Variants in GPR153 observed in about 807,000 individuals in gnomAD.
GPR153 encodes the protein probable G protein-coupled receptor 153.
In GPR153, 27 loss-of-function variants were observed where a neutral mutation model predicts 34.1. The ratio of observed to expected loss-of-function variants is 0.79; its 90% CI spans 0.58 to 1.09. GPR153 has a LOEUF of 1.09. GPR153 is among the 50% of genes least tolerant of loss of function. GPR153 has a pLI of 0.00. For synonymous variants in GPR153, 408 were observed against 405.4 expected (o/e 1.01, Z -0.08); for missense variants, 848 against 860.2 (o/e 0.99, Z 0.18).
At chr1:6,254,217 C>G (rs537601235) in intron 2 of GPR153, 70 bp from the exon 3 acceptor site, 2 of 1,453,058 alleles carry the variant, frequency 1.4e-6, no homozygotes, top group African/African-American at 2.8e-5. Context: ...CTCTGGGGAC[C>G]TGTAGGGGAT....
At chr1:6,252,995 T>C (rs967590284) in intron 3 of GPR153, among the ~76,000 whole-genome samples, 1 of 152,210 alleles carries the variant, frequency 6.6e-6, no homozygotes, top group Non-Finnish European at 1.5e-5. Context: ...CTCCTGATCC[T>C]GCGCCCCTAC....
rs374558305 is a variant in GPR153 at position 6,258,389 on chromosome 1, G to A, written c.-110+2436C>T. Among the ~76,000 whole-genome samples, 34 of 152,242 alleles carry A rather than the reference G, an allele frequency of 2.2e-4. No individual in the cohort carries two copies. In the East Asian group the frequency reaches 6.4e-3, roughly 29 times the overall value. On this transcript the variant is annotated intron_variant, in intron 1 of 5. Transcript: ENST00000377893. ...GGTGATCCACCCGCTTCGGCCTCCC[G>A]AAGTGCTGGGATTACAGGCATGAGC... is the stretch of plus-strand genomic sequence containing the variant.
At chr1:6,252,625 C>T (rs1048356684) in intron 3 of GPR153, among the ~76,000 whole-genome samples, 7 of 152,208 alleles carry the variant, frequency 4.6e-5, no homozygotes, top group African/African-American at 1.4e-4. Context: ...CCCGAGTCAC[C>T]ATTCTGGAGC....
In GPR153 at chr1:6,249,565, C is replaced by G. The variant is rs543154107; in HGVS notation, c.1603G>C (p.Gly535Arg). The change falls in exon 6 of 6, where the codon GGA (glycine) becomes CGA (arginine). Residue 535 changes from glycine to arginine, a missense_variant. By Grantham distance (125) the Gly-to-Arg change is moderately radical. Coordinates refer to ENST00000377893, the MANE Select transcript of GPR153 (RefSeq NM_207370.4). The surrounding 1 kb of genome is among the most constrained non-coding windows in gnomAD (Gnocchi z 4.3). The stretch of plus-strand genomic sequence containing the variant: ...CTGCTTGGGGGCGTCGGGGCCTCTC[C>G]GGGATCTGCGCCGTCGGGGGCGGCG... ...APAAPDGADP[G>R]EAPTPPSSAQ... is the part of the protein sequence containing the mutation. The G allele has an allele frequency of 2.0e-5, 24 of 1,185,638 alleles. No homozygotes were observed. In the African/African-American group the frequency reaches 2.9e-4, roughly 14 times the overall value. 73.4% of individuals were successfully genotyped at this position (1,185,638 alleles called of 1,614,324 possible).
intron 2 of GPR153, 131 bp from the exon 3 acceptor site, chr1:6,254,278 G>C (rs2100989585): frequency 1.2e-6 from 1 of 861,736 alleles, no homozygotes; most frequent in Non-Finnish European, 1.8e-6. Context: ...TCATGGCACA[G>C]CCAGTGTGGC....
Position 6,250,472 on chromosome 1 carries a change from G to A in GPR153, c.1132C>T (p.Pro378Ser). 1 of 1,608,732 alleles carries A rather than the reference G, an allele frequency of 6.2e-7. No individual in the cohort carries two copies. Among genetic ancestry groups the A allele is most frequent in the Non-Finnish European group, 8.5e-7 (1 of 1,178,016 alleles). ...TATTGCATCTTGTCCTCCTGCAAGG[G>A]CCGCAGTGGGTAGAGCTGGGGCAGG... ...GGLPQLYPLR[P>S]LQEDKMQYLQ... is the part of the protein sequence containing the mutation. Residue 378 changes from proline (P) to serine (S), a missense_variant, in exon 5 of 6, where the codon CCC becomes TCC. By Grantham distance (74) the Pro-to-Ser change is moderately conservative. Coordinates refer to ENST00000377893, the MANE Select transcript of GPR153 (RefSeq NM_207370.4).
At chr1:6,260,240 C>G (rs1638640572) in intron 1 of GPR153, among the ~76,000 whole-genome samples, 1 of 152,120 alleles carries the variant, frequency 6.6e-6, no homozygotes, top group Non-Finnish European at 1.5e-5. Flanking sequence ...GGTCTCCGCC[C>G]GCGCTGCAGC....
At chr1:6,253,190 G>A (rs1371451142) in intron 3 of GPR153, among the ~76,000 whole-genome samples, 1 of 152,104 alleles carries the variant, frequency 6.6e-6, no homozygotes, top group Non-Finnish European at 1.5e-5. Flanking sequence ...TCAGGAGTTC[G>A]AGACCAGCCT....
chr1:6,255,022 G>A lies in GPR153; in HGVS notation c.-109-8C>T, dbSNP rs897566288. The A allele has an allele frequency of 4.3e-5, 30 of 698,580 alleles. No individual in the cohort carries two copies. The highest frequency in any genetic ancestry group is 6.1e-5 in the Non-Finnish European group (27 of 444,218). The allele number at this position is 698,580 out of a possible 1,614,324, so 43.3% of individuals were successfully genotyped here. A position where few individuals can be genotyped will look rare whatever the true frequency, so the allele number is the denominator to read the frequency against. ...GCTGGGGACCACGAGCATCTGTGGG[G>A]GGGTGGCAGTGGGCACTCAGTGACT... On this transcript the variant is annotated splice_region_variant and splice_polypyrimidine_tract_variant and intron_variant, in intron 1 of 5. Transcript: ENST00000377893.
chr1:6,251,466 C>A lies in GPR153; in HGVS notation c.851G>T (p.Trp284Leu), dbSNP rs572296416. 2.5e-6 allele frequency: 4 copies of A among 1,613,126 alleles called. No individual in the cohort carries two copies. The highest frequency in any genetic ancestry group is 3.4e-6 in the Non-Finnish European group (4 of 1,179,936). Residue 284 changes from tryptophan (W) to leucine (L), a missense_variant, in exon 4 of 6, where the codon TGG (tryptophan) becomes TTG (leucine). Physicochemically the swap from Trp to Leu is moderately conservative, Grantham distance 61. Transcript: ENST00000377893. The surrounding 1 kb of genome is among the most constrained non-coding windows in gnomAD (Gnocchi z 4.9). ...CAGCAGGGCCTGGGCCACGGAGCAC[C>A]ACAGCACGCAGAGTGCCATCCAGGG... Reference protein sequence around the residue: ...SAPWMALCVLWCSVAQALLLP... With the variant: ...SAPWMALCVLLCSVAQALLLP...
At chr1:6,252,179 G>A (rs867878693) in intron 3 of GPR153, among the ~76,000 whole-genome samples, 1 of 152,164 alleles carries the variant, frequency 6.6e-6, no homozygotes, top group Non-Finnish European at 1.5e-5. Flanking sequence ...GGAGGATGTG[G>A]GTATGTTGAT....
chr1:6,254,798 C>G lies in GPR153; in HGVS notation c.108G>C (p.Gln36His). ...AWGILSVGAK[Q>H]KKWKPLEFLL... The stretch of plus-strand genomic sequence containing the variant: ...GGAACTCCAAGGGCTTCCACTTCTT[C>G]TGCTTGGCGCCAACGCTGAGGATGC... Residue 36 changes from glutamine (Q) to histidine (H), a missense_variant, in exon 2 of 6, where the codon CAG becomes CAC. By Grantham distance (24) the Gln-to-His change is conservative. Transcript: ENST00000377893. 1 of 1,613,492 alleles carries G rather than the reference C, an allele frequency of 6.2e-7. No homozygotes were observed. Among genetic ancestry groups the G allele is most frequent in the Non-Finnish European group, 8.5e-7 (1 of 1,179,888 alleles).
At position 6,249,700 on chromosome 1, in the gene GPR153, C is replaced by T; in HGVS notation, c.1468G>A (p.Gly490Ser). 1 of 1,037,948 alleles carries T rather than the reference C, an allele frequency of 9.6e-7. No homozygotes were observed. The highest frequency in any genetic ancestry group is 1.2e-6 in the Non-Finnish European group (1 of 866,234). The allele number at this position is 1,037,948 out of a possible 1,614,324, so 64.3% of individuals were successfully genotyped here. A position where few individuals can be genotyped will look rare whatever the true frequency, so the allele number is the denominator to read the frequency against. ...PGSPRRRPGP[G>S]PRSASASLLP... ...AGCGAGGCCGAGGCGGAGCGGGGGC[C>T]GGGCCCGGGGCGGCGGCGCGGGCTG... The change falls in exon 6 of 6, where the codon GGC becomes AGC. Residue 490 changes from glycine to serine, a missense_variant. Coordinates refer to ENST00000377893, the MANE Select transcript of GPR153 (RefSeq NM_207370.4). The surrounding 1 kb of genome is among the most constrained non-coding windows in gnomAD (Gnocchi z 4.3).
chr1:6,249,606 G>T lies in GPR153; in HGVS notation c.1562C>A (p.Pro521His). Residue 521 changes from proline (P) to histidine (H), a missense_variant, in exon 6 of 6, where the codon CCC (proline) becomes CAC (histidine). Pro to His is a moderately conservative substitution (Grantham distance 77). Transcript: ENST00000377893. The surrounding 1 kb of genome is among the most constrained non-coding windows in gnomAD (Gnocchi z 4.3). ...GGGGGCGGCGGGCGCAGCGGGGAAGGGCCCGGGCGGGCGGCGCAGGGCCTG... is the reference window on the plus strand; with the variant it reads ...GGGGGCGGCGGGCGCAGCGGGGAAGTGCCCGGGCGGGCGGCGCAGGGCCTG... ...EPQALRRPPG[P>H]FPAAPAAPDG... 8.8e-7 allele frequency: 1 copy of T among 1,133,192 alleles called. No homozygotes were observed. The allele number at this position is 1,133,192 out of a possible 1,614,324, so 70.2% of individuals were successfully genotyped here.
At position 6,254,544 on chromosome 1, in the gene GPR153, G is replaced by A. The variant is rs1638520206; in HGVS notation, c.356+6C>T. On this transcript the variant is annotated splice_donor_region_variant and intron_variant, in intron 2 of 5. Transcript: ENST00000377893. ...CCCCAAGAACCCCAGAACTTCACAT[G>A]CTCACCGGTAGTTGACAGGCCAGCA... The A allele has an allele frequency of 6.5e-7, 1 of 1,547,782 alleles. No individual in the cohort carries two copies. Among genetic ancestry groups the A allele is most frequent in the Admixed American group, 2.0e-5 (1 of 50,482 alleles).
chr1:6,254,877 C>T lies in GPR153; in HGVS notation c.29G>A (p.Ser10Asn), dbSNP rs764111690. The T allele has an allele frequency of 6.3e-7, 1 of 1,581,938 alleles. No homozygotes were observed. Among genetic ancestry groups the T allele is most frequent in the Non-Finnish European group, 8.6e-7 (1 of 1,162,896 alleles). Residue 10 changes from serine (S) to asparagine (N), a missense_variant, in exon 2 of 6, where the codon AGT becomes AAT. Ser to Asn is a conservative substitution (Grantham distance 46). Coordinates refer to ENST00000377893, the MANE Select transcript of GPR153 (RefSeq NM_207370.4). ...CCCACATACCAGCCAGCCCACTGCACTGCCAGGCAGCCGCCGCTCATCACT... is the reference window on the plus strand; with the variant it reads ...CCCACATACCAGCCAGCCCACTGCATTGCCAGGCAGCCGCCGCTCATCACT... MSDERRLPG[S>N]AVGWLVCGGL...
Position 6,249,328 on chromosome 1 carries a change from G to T in GPR153, c.*10C>A. ...GCCTGCCTGGCGTCCGTGGGGAGGCGCCGGCGGTCCTAGGACGCGGAGCCC... is the reference window on the plus strand; with the variant it reads ...GCCTGCCTGGCGTCCGTGGGGAGGCTCCGGCGGTCCTAGGACGCGGAGCCC... On this transcript the variant is annotated 3_prime_UTR_variant, in exon 6 of 6. Coordinates refer to ENST00000377893, the MANE Select transcript of GPR153 (RefSeq NM_207370.4). This position sits in a 1 kb window ranked among gnomAD's most constrained non-coding sequence, Gnocchi z 4.3. 2 of 1,271,034 alleles carry T rather than the reference G, an allele frequency of 1.6e-6. No individual in the cohort carries two copies. The highest frequency in any genetic ancestry group is 3.1e-5 in the East Asian group (1 of 32,010). 78.7% of individuals were successfully genotyped at this position (1,271,034 alleles called of 1,614,324 possible). A position where few individuals can be genotyped will look rare whatever the true frequency, so the allele number is the denominator to read the frequency against.
At chr1:6,259,529 C>A (rs1367530933) in intron 1 of GPR153, among the ~76,000 whole-genome samples, 1 of 147,980 alleles carries the variant, frequency 6.8e-6, no homozygotes, top group East Asian at 2.0e-4. Context: ...GAGCTGAGGT[C>A]TTTCTGAGCC....
At position 6,253,745 on chromosome 1, in the gene GPR153, G is replaced by A. The variant is rs144648218; in HGVS notation, c.759C>T (p.Tyr253=). ...GCACAGGGAAGCCCATGAGGCAGTC[G>A]TAGATGAAGACTATGGTGGTCACGA... ...TGLVTTIVFI[Y]DCLMGFPVLV... The change falls in exon 3 of 6, where the codon TAC becomes TAT. Residue 253 remains tyrosine (Y), a synonymous_variant. Transcript: ENST00000377893. The A allele has an allele frequency of 5.5e-4, 846 of 1,527,612 alleles. 6 individuals are homozygous for A. In the South Asian group the frequency reaches 7.7e-3, roughly 14 times the overall value. The allele number at this position is 1,527,612 out of a possible 1,614,324, so 94.6% of individuals were successfully genotyped here.
Sources: allele counts gnomAD v4.1 joint callset (sites outside exome capture counted in the v4.1 genomes callset), GRCh38; gene constraint gnomAD v4.1.1; non-coding constraint Gnocchi (gnomAD v3.1); transcripts MANE v1.5; gene names NCBI Gene and HGNC (gene_info 2026-07-23, HGNC 2026-07-21).